The following ZNF804A variants were observed in gnomAD, a reference collection of about 807,000 sequenced individuals.
ZNF804A encodes the protein zinc finger protein 804A.
In ZNF804A, 2 loss-of-function variants were observed where a neutral mutation model predicts 16.5. The observed-to-expected ratio is 0.12, with a 90% CI of 0.05 to 0.38. The LOEUF is 0.38. Ranked by LOEUF, ZNF804A falls within the 10% of genes least tolerant of loss-of-function variation. ZNF804A has a pLI of 0.99. For synonymous variants in ZNF804A, 534 were observed against 489.6 expected (o/e 1.09, Z -1.20); for missense variants, 1,473 against 1,390.7 (o/e 1.06, Z -0.94).
At chr2:184,733,182 C>T (rs2105748596) in intron 1 of ZNF804A, among the ~76,000 whole-genome samples, 1 of 152,178 alleles carries the variant, frequency 6.6e-6, no homozygotes, top group East Asian at 1.9e-4. Context: ...TATTCTTTGT[C>T]AAGATGAGGA....
At chr2:184,647,308 C>T (rs1001176017) in intron 1 of ZNF804A, among the ~76,000 whole-genome samples, 1 of 152,184 alleles carries the variant, frequency 6.6e-6, no homozygotes, top group African/African-American at 2.4e-5. Flanking sequence ...TGCAAAAGAA[C>T]CAGTGCAAGA....
intron 1 of ZNF804A, among the ~76,000 whole-genome samples, chr2:184,825,428 T>G (rs1281499451): frequency 1.3e-5 from 2 of 152,168 alleles, no homozygotes; most frequent in Non-Finnish European, 2.9e-5. Flanking sequence ...ACATGTTTTG[T>G]TTTCTTATGC....
chr2:184,850,965 C>A (rs895628585), intron 1 of ZNF804A, among the ~76,000 whole-genome samples: 1 of 151,694 alleles, frequency 6.6e-6, no homozygotes, highest in Non-Finnish European at 1.5e-5. Flanking sequence ...GTACCACACT[C>A]CCAACCATGA....
intron 2 of ZNF804A, among the ~76,000 whole-genome samples, chr2:184,885,923 G>A (rs190122279): frequency 6.8e-4 from 104 of 152,156 alleles, no homozygotes; most frequent in Non-Finnish European, 7.6e-4. Flanking sequence ...CATTCCAACC[G>A]TGGCCTCTCC....
intron 1 of ZNF804A, among the ~76,000 whole-genome samples, chr2:184,673,048 G>A (rs1232086590): frequency 6.7e-6 from 1 of 149,260 alleles, no homozygotes; most frequent in Non-Finnish European, 1.5e-5. Context: ...CATAGGAAAA[G>A]CAAGAAAATT....
intron 2 of ZNF804A, among the ~76,000 whole-genome samples, chr2:184,901,693 A>T (rs1390563475): frequency 6.6e-6 from 1 of 152,116 alleles, no homozygotes; most frequent in Non-Finnish European, 1.5e-5. Flanking sequence ...TTTTGCTCTA[A>T]ATATTATTGT....
chr2:184,694,702 A>G (rs1692792135), intron 1 of ZNF804A, among the ~76,000 whole-genome samples: 1 of 152,226 alleles, frequency 6.6e-6, no homozygotes, highest in Non-Finnish European at 1.5e-5. Flanking sequence ...GATAAACAGT[A>G]AACATGTATT....
intron 1 of ZNF804A, among the ~76,000 whole-genome samples, chr2:184,658,769 T>C (rs1692121632): frequency 6.6e-6 from 1 of 152,168 alleles, no homozygotes; most frequent in African/African-American, 2.4e-5. Flanking sequence ...CAAAGAAGAA[T>C]GAGCCAAAGG....
chr2:184,655,328 C>T (rs1559118674), intron 1 of ZNF804A, among the ~76,000 whole-genome samples: 1 of 152,100 alleles, frequency 6.6e-6, no homozygotes, highest in Non-Finnish European at 1.5e-5. Flanking sequence ...TGGTCTGAGA[C>T]AAACACTGTC....
chr2:184,809,536 T>C (rs1016503765), intron 1 of ZNF804A, among the ~76,000 whole-genome samples: 3 of 151,888 alleles, frequency 2.0e-5, no homozygotes, highest in African/African-American at 7.2e-5. Context: ...ACAGTTGAAG[T>C]ATTTTACAAG....
At chr2:184,680,830 G>A (rs529783560) in intron 1 of ZNF804A, among the ~76,000 whole-genome samples, 27 of 152,370 alleles carry the variant, frequency 1.8e-4, no homozygotes, top group Non-Finnish European at 2.8e-4. Context: ...TGGTTCTTCA[G>A]GGAGCTTAGA....
At chr2:184,648,409 C>T (rs1691918592) in intron 1 of ZNF804A, among the ~76,000 whole-genome samples, 1 of 152,094 alleles carries the variant, frequency 6.6e-6, no homozygotes, top group Non-Finnish European at 1.5e-5. Flanking sequence ...TCTCACATAT[C>T]AATATTAATC....
chr2:184,604,146 C>CATTTTTTTT (rs1691096613), intron 1 of ZNF804A, among the ~76,000 whole-genome samples: 1 of 44,862 alleles, frequency 2.2e-5, no homozygotes, highest in East Asian at 8.4e-4. Context: ...ACTGCAATTA[C>CATTTTTTTT]TTTTTTTTTT....
intron 2 of ZNF804A, among the ~76,000 whole-genome samples, chr2:184,904,483 A>C (rs1189520970): frequency 6.6e-6 from 1 of 152,032 alleles, no homozygotes; most frequent in Non-Finnish European, 1.5e-5. Context: ...TTAGACCTTA[A>C]TTATACATTT....
At chr2:184,652,755 C>T (rs139561322) in intron 1 of ZNF804A, among the ~76,000 whole-genome samples, 16,645 of 152,134 alleles carry the variant, frequency 0.11, 1,180 homozygotes, top group Non-Finnish European at 0.16. Flanking sequence ...TTGTAGTTCC[C>T]ATAATCCCCA....
intron 2 of ZNF804A, among the ~76,000 whole-genome samples, chr2:184,903,132 A>C (rs1046169711): frequency 6.6e-6 from 1 of 152,110 alleles, no homozygotes; most frequent in Non-Finnish European, 1.5e-5. Context: ...ATACTCTTCT[A>C]GTTTTATCAG....
chr2:184,824,834 G>A (rs1453704917), intron 1 of ZNF804A, among the ~76,000 whole-genome samples: 1 of 151,864 alleles, frequency 6.6e-6, no homozygotes, highest in Non-Finnish European at 1.5e-5. Flanking sequence ...GGACTTAGCT[G>A]GGGACACCAG....
At chr2:184,918,444 G>GTTCA (rs1305105271) in intron 2 of ZNF804A, among the ~76,000 whole-genome samples, 3 of 152,072 alleles carry the variant, frequency 2.0e-5, no homozygotes, top group East Asian at 1.9e-4. Context: ...CCTGTCCCAT[G>GTTCA]TTCACCTCTT....
intron 2 of ZNF804A, among the ~76,000 whole-genome samples, chr2:184,869,639 T>C (rs2105812759): frequency 6.6e-6 from 1 of 152,138 alleles, no homozygotes; most frequent in Non-Finnish European, 1.5e-5. Flanking sequence ...TTTTTTCTCC[T>C]AGAATATTTG....
Sources: gnomAD v4.1 joint callset for allele counts (sites outside exome capture counted in the v4.1 genomes callset) on GRCh38, gnomAD v4.1.1 for gene constraint, MANE v1.5 for transcripts, NCBI Gene and HGNC (gene_info 2026-07-23, HGNC 2026-07-21) for gene names.